The following PLEKHG1 variants were observed in gnomAD, a reference collection of about 807,000 sequenced individuals.
PLEKHG1 encodes the protein pleckstrin homology domain-containing family G member 1.
A neutral mutation model predicts 100.8 loss-of-function variants in PLEKHG1; 44 were observed. The ratio of observed to expected loss-of-function variants is 0.44; its 90% CI spans 0.34 to 0.56. The LOEUF is 0.56. Among genes scored for constraint, PLEKHG1 ranks in the 20% least tolerant of loss-of-function variants. The probability of loss-of-function intolerance (pLI) is 0.01; values close to 1 mark genes in which losing one functional copy is unlikely to be tolerated. For synonymous variants in PLEKHG1, 640 were observed against 662.5 expected, an observed-to-expected ratio of 0.97 and a Z score of 0.52; for missense variants, 1,545 against 1,720.9, an observed-to-expected ratio of 0.90 and a Z score of 1.81.
chr6:150,686,134 G>A (rs1780121351), intron 3 of PLEKHG1, among the ~76,000 whole-genome samples: 1 of 152,236 alleles, frequency 6.6e-6, no homozygotes, highest in African/African-American at 2.4e-5. Context: ...TTGTGTATGA[G>A]CTCAGCTCAG....
chr6:150,761,295 G>A (rs1409640858), intron 2 of PLEKHG1, among the ~76,000 whole-genome samples: 1 of 151,000 alleles, frequency 6.6e-6, no homozygotes, highest in African/African-American at 2.4e-5. Flanking sequence ...TAGTAGAGAC[G>A]AGGTTTCACC....
chr6:150,718,889 G>T (rs1209551114), upstream of PLEKHG1, among the ~76,000 whole-genome samples: 1 of 120,806 alleles, frequency 8.3e-6, no homozygotes, highest in African/African-American at 2.9e-5. Context: ...CAATATAAAG[G>T]CAAAAAAAAA....
chr6:150,790,178 C>T (rs1785887869), intron 4 of PLEKHG1, among the ~76,000 whole-genome samples: 1 of 152,078 alleles, frequency 6.6e-6, no homozygotes, highest in African/African-American at 2.4e-5. Flanking sequence ...TGTGCCACCA[C>T]ACCCGGCTAA....
chr6:150,839,536 C>T (rs943336823), intron 15 of PLEKHG1, among the ~76,000 whole-genome samples: 1 of 152,162 alleles, frequency 6.6e-6, no homozygotes, highest in Admixed American at 6.5e-5. Flanking sequence ...TTATAAAGAA[C>T]ACTAGAAACT....
chr6:150,669,756 C>A (rs1779523371), intron 3 of PLEKHG1, among the ~76,000 whole-genome samples: 1 of 151,900 alleles, frequency 6.6e-6, no homozygotes, highest in African/African-American at 2.4e-5. Context: ...GCCACCACGC[C>A]CAGCTAATTT....
At chr6:150,717,678 C>A (rs1562457921), upstream of PLEKHG1, among the ~76,000 whole-genome samples, 2 of 152,210 alleles carry the variant, frequency 1.3e-5, no homozygotes, top group Non-Finnish European at 2.9e-5. Context: ...GGTTGTGTAA[C>A]CCGTGCTTGC....
chr6:150,779,344 G>GTTTGTTTGTTTTTTTTTTTTTT (rs1257363893), intron 3 of PLEKHG1, among the ~76,000 whole-genome samples: 3 of 104,536 alleles, frequency 2.9e-5, no homozygotes, highest in African/African-American at 1.3e-4. Context: ...TTGTCAAGAA[G>GTTTGTTTGTTTTTTTTTTTTTT]TTTTTTTTTT....
chr6:150,747,362 A>G (rs535416149), intron 2 of PLEKHG1, among the ~76,000 whole-genome samples: 2 of 152,370 alleles, frequency 1.3e-5, no homozygotes, highest in South Asian at 2.1e-4. Flanking sequence ...GTGACAGTCC[A>G]GGCAGCCCTG....
intron 1 of PLEKHG1, among the ~76,000 whole-genome samples, chr6:150,636,417 G>C (rs1778000545): frequency 6.6e-6 from 1 of 152,152 alleles, no homozygotes; most frequent in Admixed American, 6.5e-5. Context: ...AGCAGTAGCT[G>C]TGGTGGCAAT....
chr6:150,634,480 A>C (rs1323509975), intron 1 of PLEKHG1, among the ~76,000 whole-genome samples: 1 of 152,170 alleles, frequency 6.6e-6, no homozygotes, highest in Non-Finnish European at 1.5e-5. Context: ...TGCCACACTG[A>C]CTTCCACAAG....
At chr6:150,679,083 G>A in intron 3 of PLEKHG1, among the ~76,000 whole-genome samples, 1 of 152,180 alleles carries the variant, frequency 6.6e-6, no homozygotes, top group East Asian at 1.9e-4. Flanking sequence ...AATTGTGTGT[G>A]TGAGTGAAAG....
intron 3 of PLEKHG1, among the ~76,000 whole-genome samples, chr6:150,681,924 C>A (rs1195884855): frequency 6.6e-6 from 1 of 152,192 alleles, no homozygotes; most frequent in Admixed American, 6.5e-5. Context: ...TAAAGCTAAA[C>A]CCCACTCTGC....
chr6:150,792,214 G>A lies in PLEKHG1; in HGVS notation c.583-3642G>A, dbSNP rs190092399. 3.0e-3 allele frequency among the ~76,000 whole-genome samples: 453 copies of A among 151,898 alleles called. 2 individuals carry two copies. The highest frequency in any genetic ancestry group is 9.9e-3 in the African/African-American group (410 of 41,436). On this transcript the variant is annotated intron_variant, in intron 4 of 15. Coordinates refer to ENST00000358517, the Ensembl canonical transcript of PLEKHG1. The stretch of plus-strand genomic sequence containing the variant: ...TCTACTAAAAATACAAAAATTAGCC[G>A]GGCGTGGTGATGCATGCCTGTAGTC...
upstream of PLEKHG1, among the ~76,000 whole-genome samples, chr6:150,718,890 C>CA (rs111800365): frequency 0.035 from 4,974 of 144,072 alleles, 103 homozygotes; most frequent in South Asian, 0.07. Flanking sequence ...AATATAAAGG[C>CA]AAAAAAAAAA....
chr6:150,744,502 C>A (rs1015412351), intron 2 of PLEKHG1, among the ~76,000 whole-genome samples: 1 of 152,160 alleles, frequency 6.6e-6, no homozygotes, highest in Non-Finnish European at 1.5e-5. Context: ...ATTTTTAAGA[C>A]TTGCACTCCC....
At chr6:150,603,447 A>G (rs1158404356) in intron 1 of PLEKHG1, among the ~76,000 whole-genome samples, 3 of 152,186 alleles carry the variant, frequency 2.0e-5, no homozygotes. Flanking sequence ...TATGCTGATG[A>G]AAAGCAATAA....
At chr6:150,759,320 G>A (rs1185483704) in intron 2 of PLEKHG1, among the ~76,000 whole-genome samples, 1 of 152,218 alleles carries the variant, frequency 6.6e-6, no homozygotes, top group African/African-American at 2.4e-5. Flanking sequence ...GATATAGCCT[G>A]TGATGATCTT....
At chr6:150,774,242 C>T (rs1173741351) in intron 3 of PLEKHG1, among the ~76,000 whole-genome samples, 3 of 152,102 alleles carry the variant, frequency 2.0e-5, no homozygotes, top group Non-Finnish European at 1.5e-5. Flanking sequence ...TAGACATTGG[C>T]GTCCTTATCT....
intron 3 of PLEKHG1, among the ~76,000 whole-genome samples, chr6:150,685,447 A>C (rs539825971): frequency 2.6e-4 from 40 of 152,272 alleles, no homozygotes; most frequent in Admixed American, 2.4e-3. Context: ...TCCAGTGAGG[A>C]AGGAGAGGCA....
Sources: gnomAD v4.1 joint callset for allele counts (sites outside exome capture counted in the v4.1 genomes callset) on GRCh38, gnomAD v4.1.1 for gene constraint, MANE v1.5 for transcripts, NCBI Gene and HGNC (gene_info 2026-07-23, HGNC 2026-07-21) for gene names.